LRP1B: variants seen among roughly 807,000 people sequenced by gnomAD.
LRP1B encodes low-density lipoprotein receptor-related protein 1B.
Under a neutral mutation model 556.6 loss-of-function variants are expected in LRP1B, and 217 were observed. The observed-to-expected ratio is 0.39, with a 90% CI of 0.35 to 0.44. The LOEUF is 0.44. Ranked by LOEUF, LRP1B falls within the 20% of genes least tolerant of loss-of-function variation. The probability of loss-of-function intolerance (pLI) is 1.00; values close to 1 mark genes in which losing one functional copy is unlikely to be tolerated. For synonymous variants in LRP1B, 2,047 were observed against 1,865.8 expected (o/e 1.10, Z -2.50); for missense variants, 5,053 against 5,620.8 (o/e 0.90, Z 3.23).
intron 20 of LRP1B, among the ~76,000 whole-genome samples, chr2:140,926,056 C>CTTT (rs70991119): frequency 2.2e-4 from 19 of 86,014 alleles, no homozygotes; most frequent in East Asian, 1.2e-3. Context: ...TGGAGATTTT[C>CTTT]TTTTTTTTTT....
intron 83 of LRP1B, among the ~76,000 whole-genome samples, chr2:140,307,959 G>C (rs1449429986): frequency 6.6e-6 from 1 of 151,690 alleles, no homozygotes; most frequent in African/African-American, 2.4e-5. Flanking sequence ...TCACAATATA[G>C]CAATTGCTAC....
intron 21 of LRP1B, among the ~76,000 whole-genome samples, chr2:140,913,636 G>A (rs184406011): frequency 1.5e-3 from 226 of 152,098 alleles, no homozygotes; most frequent in Non-Finnish European, 2.5e-3. Flanking sequence ...CTACTCAATA[G>A]GAATGTGTTA....
intron 50 of LRP1B, among the ~76,000 whole-genome samples, 187 bp from the exon 51 acceptor site, chr2:140,514,959 C>T (rs1398477559): frequency 6.6e-6 from 1 of 151,858 alleles, no homozygotes; most frequent in Non-Finnish European, 1.5e-5. Flanking sequence ...CTCTGTGTTT[C>T]CAGGTGATAC....
intron 11 of LRP1B, among the ~76,000 whole-genome samples, chr2:141,036,847 T>C (rs1324713840): frequency 1.3e-5 from 2 of 151,498 alleles, no homozygotes; most frequent in Non-Finnish European, 2.9e-5. Context: ...CACAAAATTG[T>C]ATATTGATAT....
chr2:140,851,837 A>G, intron 27 of LRP1B, 54 bp from the exon 28 acceptor site: 1 of 1,524,390 alleles, frequency 6.6e-7, no homozygotes, highest in Non-Finnish European at 8.8e-7. Context: ...GTATTAGGGA[A>G]GCTCTGAGGT....
intron 2 of LRP1B, among the ~76,000 whole-genome samples, chr2:141,548,370 G>A (rs1023481565): frequency 6.6e-6 from 1 of 152,186 alleles, no homozygotes; most frequent in African/African-American, 2.4e-5. Flanking sequence ...AAATGAAGGG[G>A]GCTATGTTTC....
intron 7 of LRP1B, among the ~76,000 whole-genome samples, chr2:141,087,515 A>G (rs953341981): frequency 6.6e-6 from 1 of 152,238 alleles, no homozygotes; most frequent in African/African-American, 2.4e-5. Context: ...AAATATTCAC[A>G]CAGCACCTAC....
intron 2 of LRP1B, among the ~76,000 whole-genome samples, chr2:141,587,747 C>T (rs1490671239): frequency 6.6e-6 from 1 of 151,966 alleles, no homozygotes; most frequent in Non-Finnish European, 1.5e-5. Context: ...CAGTAGTTAA[C>T]AAAACACACG....
intron 3 of LRP1B, among the ~76,000 whole-genome samples, chr2:141,472,440 T>G (rs971373585): frequency 1.3e-5 from 2 of 152,102 alleles, no homozygotes; most frequent in Admixed American, 1.3e-4. Flanking sequence ...TTTGGGAGGC[T>G]GAGGCAGGAG....
intron 6 of LRP1B, among the ~76,000 whole-genome samples, chr2:141,209,276 T>TGAGAGAAAGTTCTCAG: frequency 6.6e-6 from 1 of 152,266 alleles, no homozygotes; most frequent in Admixed American, 6.5e-5. Context: ...GCTGTTCTCA[T>TGAGAGAAAGTTCTCAG]GAGAGTAAGT....
intron 66 of LRP1B, among the ~76,000 whole-genome samples, chr2:140,391,645 T>C (rs1241312950): frequency 6.6e-6 from 1 of 152,160 alleles, no homozygotes; most frequent in African/African-American, 2.4e-5. Flanking sequence ...GAAGGTAGTA[T>C]GAATTACAGA....
At chr2:141,462,559 T>C (rs529725696) in intron 3 of LRP1B, among the ~76,000 whole-genome samples, 1 of 152,176 alleles carries the variant, frequency 6.6e-6, no homozygotes, top group South Asian at 2.1e-4. Flanking sequence ...GCTTAAAACC[T>C]AGATGACAGA....
intron 1 of LRP1B, among the ~76,000 whole-genome samples, chr2:141,912,725 T>C (rs1333057913): frequency 6.6e-6 from 1 of 152,150 alleles, no homozygotes; most frequent in Non-Finnish European, 1.5e-5. Flanking sequence ...CTCCCTATAC[T>C]AGAAGGAAAG....
chr2:141,081,292 C>T (rs1040621496), intron 7 of LRP1B, among the ~76,000 whole-genome samples: 5 of 152,112 alleles, frequency 3.3e-5, no homozygotes, highest in South Asian at 2.1e-4. Context: ...GGCTGTATCC[C>T]CTGTGGATGA....
intron 3 of LRP1B, among the ~76,000 whole-genome samples, chr2:141,433,815 G>A (rs749965345): frequency 2.0e-5 from 3 of 151,080 alleles, no homozygotes; most frequent in African/African-American, 4.9e-5. Context: ...ATAAAATTAG[G>A]GAAGCTTTCA....
chr2:141,388,376 C>T (rs181739045), intron 3 of LRP1B, among the ~76,000 whole-genome samples: 275 of 152,190 alleles, frequency 1.8e-3, no homozygotes, highest in Non-Finnish European at 3.0e-3. Flanking sequence ...GCAGAGGTTG[C>T]GGTGAGCCAA....
chr2:141,920,283 G>T (rs1390679982), intron 1 of LRP1B, among the ~76,000 whole-genome samples: 6 of 122,404 alleles, frequency 4.9e-5, no homozygotes, highest in Non-Finnish European at 1.0e-4. Context: ...TTTTTTTGGG[G>T]GGGGGTGGTA....
At chr2:141,219,522 T>C (rs1341488235) in intron 6 of LRP1B, among the ~76,000 whole-genome samples, 1 of 152,212 alleles carries the variant, frequency 6.6e-6, no homozygotes, top group African/African-American at 2.4e-5. Context: ...TCCTGTCTGC[T>C]GGCAGTCCAG....
chr2:141,884,864 C>T (rs149311763), intron 1 of LRP1B, among the ~76,000 whole-genome samples: 27 of 152,154 alleles, frequency 1.8e-4, no homozygotes, highest in African/African-American at 6.5e-4. Context: ...CACACTAACC[C>T]GGTGAATAGG....
Sources: allele counts gnomAD v4.1 joint callset (sites outside exome capture counted in the v4.1 genomes callset), GRCh38; gene constraint gnomAD v4.1.1; transcripts MANE v1.5; gene names NCBI Gene and HGNC (gene_info 2026-07-23, HGNC 2026-07-21).